Variants in RFTN1 observed in about 807,000 individuals in gnomAD.
RFTN1 encodes the protein raftlin, lipid raft linker 1, also known as raftlin.
A neutral mutation model predicts 46.5 loss-of-function variants in RFTN1; 26 were observed. The ratio of observed to expected loss-of-function variants is 0.56; its 90% CI spans 0.41 to 0.78. RFTN1 has a LOEUF of 0.78. Ranked by LOEUF, RFTN1 falls within the 30% of genes least tolerant of loss-of-function variation. RFTN1 has a pLI of 0.00. For synonymous variants in RFTN1, 261 were observed against 284.2 expected (o/e 0.92, Z 0.82); for missense variants, 693 against 718.7 (o/e 0.96, Z 0.41).
At chr3:16,414,207 G>A (rs530091885) in intron 3 of RFTN1, among the ~76,000 whole-genome samples, 1 of 151,590 alleles carries the variant, frequency 6.6e-6, no homozygotes, top group African/African-American at 2.4e-5. Context: ...TGCCTTTGTG[G>A]AGCTAACAAT....
intron 4 of RFTN1, among the ~76,000 whole-genome samples, chr3:16,386,046 A>T (rs2074160796): frequency 6.6e-6 from 1 of 152,272 alleles, no homozygotes; most frequent in African/African-American, 2.4e-5. Flanking sequence ...TTAGCAAAGC[A>T]TTTAAAGAGA....
rs2073674620 is a variant in RFTN1 at position 16,374,658 on chromosome 3, G to A, written c.826+3060C>T. Among the ~76,000 whole-genome samples the A allele has an allele frequency of 6.6e-6, 1 of 152,218 alleles. No individual in the cohort carries two copies. Among genetic ancestry groups the A allele is most frequent in the Non-Finnish European group, 1.5e-5 (1 of 68,036 alleles). On this transcript the variant is annotated intron_variant, in intron 5 of 9. Coordinates refer to ENST00000334133, the MANE Select transcript of RFTN1 (RefSeq NM_015150.2). This position sits in a 1 kb window ranked among gnomAD's most constrained non-coding sequence, Gnocchi z 5.4. ...TGCTTGGAAGACTTGTTATTTTGGTGACGGTGAGAATGATTAGAATTTTCG... is the reference window on the plus strand; with the variant it reads ...TGCTTGGAAGACTTGTTATTTTGGTAACGGTGAGAATGATTAGAATTTTCG...
At chr3:16,502,318 G>A (rs1029006009) in intron 1 of RFTN1, among the ~76,000 whole-genome samples, 3 of 151,276 alleles carry the variant, frequency 2.0e-5, no homozygotes, top group East Asian at 1.9e-4. Flanking sequence ...CCATGATCTC[G>A]CCACTGCATG....
intron 2 of RFTN1, among the ~76,000 whole-genome samples, chr3:16,470,518 A>G (rs187429324): frequency 3.8e-4 from 58 of 152,320 alleles, no homozygotes; most frequent in African/African-American, 1.2e-3. Flanking sequence ...TAGAATATGA[A>G]GAGAAAACCC....
intron 7 of RFTN1, among the ~76,000 whole-genome samples, chr3:16,357,701 G>A (rs2072542633): frequency 6.6e-6 from 1 of 152,168 alleles, no homozygotes; most frequent in South Asian, 2.1e-4. Context: ...AAATGGCCAG[G>A]CACATGCAAT....
intron 2 of RFTN1, among the ~76,000 whole-genome samples, chr3:16,455,200 T>G (rs760470389): frequency 9.2e-5 from 14 of 152,336 alleles, no homozygotes; most frequent in Middle Eastern, 3.4e-3. Context: ...CCAGTTTGTT[T>G]AGGTGGCGTG....
In RFTN1 at chr3:16,329,540, GGCACAC is replaced by G. The variant is rs2070086979; in HGVS notation, c.1147-2670_1147-2665del. The stretch of plus-strand genomic sequence containing the variant: ...GACCATCCTTTCTGCCTGGCCTCTG[GGCACAC>G]GCACACCTCCCTTCCAGACCAGCAC... On this transcript the variant is annotated intron_variant, in intron 7 of 9. Coordinates refer to ENST00000334133, the MANE Select transcript of RFTN1 (RefSeq NM_015150.2). This position sits in a 1 kb window ranked among gnomAD's most constrained non-coding sequence, Gnocchi z 4.5. Among the ~76,000 whole-genome samples, 1 of 152,060 alleles carries G rather than the reference GGCACAC, an allele frequency of 6.6e-6. No homozygotes were observed. Among genetic ancestry groups the G allele is most frequent in the African/African-American group, 2.4e-5 (1 of 41,386 alleles).
intron 2 of RFTN1, among the ~76,000 whole-genome samples, chr3:16,467,759 G>GAAGAAAGGAATA (rs960232107): frequency 6.6e-6 from 1 of 152,214 alleles, no homozygotes; most frequent in Non-Finnish European, 1.5e-5. Flanking sequence ...AAGTTCAGTT[G>GAAGAAAGGAATA]AAGAAAGGAA....
rs1421334623 is a variant in RFTN1, at chr3:16,450,577, AAAC to A, written c.146-16543_146-16541del. On this transcript the variant is annotated intron_variant, in intron 2 of 9. Coordinates refer to ENST00000334133, the MANE Select transcript of RFTN1 (RefSeq NM_015150.2). This position sits in a 1 kb window ranked among gnomAD's most constrained non-coding sequence, Gnocchi z 4.6. ...CTTCCACAGGCAAATTAGCTTCATC[AAAC>A]AACACTAGGTCTTGGCCTGTCTCTA... Among the ~76,000 whole-genome samples, 2 of 152,202 alleles carry A rather than the reference AAAC, an allele frequency of 1.3e-5. No homozygotes were observed. The highest frequency in any genetic ancestry group is 6.5e-5 in the Admixed American group (1 of 15,276).
intron 2 of RFTN1, among the ~76,000 whole-genome samples, chr3:16,485,191 C>G (rs2076427752): frequency 6.6e-6 from 1 of 151,928 alleles, no homozygotes; most frequent in African/African-American, 2.4e-5. Flanking sequence ...TTCATAATAG[C>G]CCCAAACTGG....
intron 2 of RFTN1, among the ~76,000 whole-genome samples, chr3:16,485,298 A>C (rs1559370443): frequency 6.6e-6 from 1 of 152,256 alleles, no homozygotes; most frequent in South Asian, 2.1e-4. Flanking sequence ...TTAACTCTTG[A>C]TACACACAAC....
rs73816462 is a variant in RFTN1 at position 16,447,551 on chromosome 3, G to A, written c.146-13514C>T. 5.2e-3 allele frequency among the ~76,000 whole-genome samples: 792 copies of A among 152,288 alleles called. 9 individuals are homozygous for A. The highest frequency in any genetic ancestry group is 0.018 in the African/African-American group (746 of 41,554). On this transcript the variant is annotated intron_variant, in intron 2 of 9. Coordinates refer to ENST00000334133, the MANE Select transcript of RFTN1 (RefSeq NM_015150.2). This position sits in a 1 kb window ranked among gnomAD's most constrained non-coding sequence, Gnocchi z 5.9. ...CAGAGGCATTTTGGTTCCCACTAAA[G>A]AAAACGGGGTCCCTAATGGTGTTTG... is the stretch of plus-strand genomic sequence containing the variant.
intron 4 of RFTN1, among the ~76,000 whole-genome samples, chr3:16,393,359 T>C (rs183383651): frequency 3.9e-4 from 59 of 152,266 alleles, no homozygotes; most frequent in African/African-American, 1.3e-3. Context: ...GTGGGACCAA[T>C]ATTCACTAAC....
chr3:16,361,086 T>G lies in RFTN1; in HGVS notation c.1031-3039A>C, dbSNP rs1383590449. Among the ~76,000 whole-genome samples, 1 of 152,228 alleles carries G rather than the reference T, an allele frequency of 6.6e-6. No individual in the cohort carries two copies. The highest frequency in any genetic ancestry group is 1.5e-5 in the Non-Finnish European group (1 of 68,036). On this transcript the variant is annotated intron_variant, in intron 6 of 9. Coordinates refer to ENST00000334133, the MANE Select transcript of RFTN1 (RefSeq NM_015150.2). The surrounding 1 kb of genome is among the most constrained non-coding windows in gnomAD (Gnocchi z 4.3). The stretch of plus-strand genomic sequence containing the variant: ...TGGACAACACAAATGACAAAGAATT[T>G]CCTTTTTCTCTCCTCTACAAGGCTC...
rs1490289438 is a variant in RFTN1, at chr3:16,509,806, G to A, written c.-9+3636C>T. Among the ~76,000 whole-genome samples, 1 of 152,166 alleles carries A rather than the reference G, an allele frequency of 6.6e-6. No individual in the cohort carries two copies. The highest frequency in any genetic ancestry group is 1.9e-4 in the East Asian group (1 of 5,196). Reference sequence around the variant, plus strand: ...AAATCACTCAGCCAATGTTTACTGTGTCCCTACCCTCTGGCAGGCACTGCG... The same window carrying A: ...AAATCACTCAGCCAATGTTTACTGTATCCCTACCCTCTGGCAGGCACTGCG... On this transcript the variant is annotated intron_variant, in intron 1 of 9. Transcript: ENST00000334133. The surrounding 1 kb of genome is among the most constrained non-coding windows in gnomAD (Gnocchi z 4.9).
chr3:16,451,396 C>G lies in RFTN1; in HGVS notation c.146-17359G>C, dbSNP rs1469496987. 2.6e-5 allele frequency among the ~76,000 whole-genome samples: 4 copies of G among 152,206 alleles called. No homozygotes were observed. The highest frequency in any genetic ancestry group is 5.9e-5 in the Non-Finnish European group (4 of 68,042). ...CTAATAGGGCACTCTCCAGTACACCCATGACTTTCTGCTTCATTAGCTGGC... is the reference window on the plus strand; with the variant it reads ...CTAATAGGGCACTCTCCAGTACACCGATGACTTTCTGCTTCATTAGCTGGC... On this transcript the variant is annotated intron_variant, in intron 2 of 9. Coordinates refer to ENST00000334133, the MANE Select transcript of RFTN1 (RefSeq NM_015150.2). The surrounding 1 kb of genome is among the most constrained non-coding windows in gnomAD (Gnocchi z 4.2).
At chr3:16,411,042 G>A (rs769467634) in intron 3 of RFTN1, among the ~76,000 whole-genome samples, 7 of 152,142 alleles carry the variant, frequency 4.6e-5, no homozygotes, top group Non-Finnish European at 1.0e-4. Flanking sequence ...AGAGACCAAG[G>A]CTCCCAGCTC....
At chr3:16,467,751 G>C (rs1179536456) in intron 2 of RFTN1, among the ~76,000 whole-genome samples, 3 of 152,204 alleles carry the variant, frequency 2.0e-5, no homozygotes, top group African/African-American at 7.2e-5. Flanking sequence ...TGGAAACAAA[G>C]TTCAGTTGAA....
chr3:16,377,635 T>C lies in RFTN1; in HGVS notation c.826+83A>G, dbSNP rs534915310. On this transcript the variant is annotated intron_variant, in intron 5 of 9. Coordinates refer to ENST00000334133, the MANE Select transcript of RFTN1 (RefSeq NM_015150.2). ...TCTACACTCTAAATTCCATTCCTTT[T>C]TCTCTGAGATACCATGGGGATTAAT... The C allele has an allele frequency of 2.7e-6, 4 of 1,508,472 alleles. No individual in the cohort carries two copies. The African/African-American group carries it at 5.6e-5, about 21-fold the overall frequency. 93.4% of individuals were successfully genotyped at this position (1,508,472 alleles called of 1,614,324 possible).
Sources: allele counts gnomAD v4.1 joint callset (sites outside exome capture counted in the v4.1 genomes callset), GRCh38; gene constraint gnomAD v4.1.1; non-coding constraint Gnocchi (gnomAD v3.1); transcripts MANE v1.5; gene names NCBI Gene and HGNC (gene_info 2026-07-23, HGNC 2026-07-21).